The following ZNF717 variants were observed in gnomAD, a reference collection of about 807,000 sequenced individuals.
The protein encoded by ZNF717 is krueppel-like factor X17.
A neutral mutation model predicts 13.8 loss-of-function variants in ZNF717; 9 were observed. That is an observed-to-expected ratio of 0.65 (90% CI 0.39 to 1.14). The LOEUF is 1.14. Among genes scored for constraint, ZNF717 ranks in the 50% most tolerant of loss-of-function variants. The pLI is 0.01. For synonymous variants in ZNF717, 327 were observed against 364.1 expected (o/e 0.90, Z 1.16); for missense variants, 1,040 against 1,080.7 (o/e 0.96, Z 0.53).
At chr3:75,772,137 T>C (rs564787739) in intron 2 of ZNF717, among the ~76,000 whole-genome samples, 3 of 152,352 alleles carry the variant, frequency 2.0e-5, no homozygotes, top group Admixed American at 6.5e-5. Flanking sequence ...CTACCCACCA[T>C]GGGTCTCCTC....
chr3:75,741,688 A>C lies in ZNF717; in HGVS notation c.106T>G (p.Trp36Gly). The change falls in exon 3 of 5, where the codon TGG becomes GGG. Residue 36 changes from tryptophan (W) to glycine (G), a missense_variant. Around this residue, in one of 3 missense-constraint regions of ZNF717, gnomAD observed 123 missense variants for 177.8 expected, o/e 0.69. Coordinates refer to ENST00000652011, the MANE Select transcript of ZNF717 (RefSeq NM_001290208.3). Reference sequence around the variant, plus strand: ...CTCTGAGCATCATCCAGGTCCTGCCACTCCTCCCAGGTGAAGTGCACAGCT... The same window carrying C: ...CTCTGAGCATCATCCAGGTCCTGCCCCTCCTCCCAGGTGAAGTGCACAGCT... ...EVAVHFTWEE[W>G]QDLDDAQRTL... The C allele has an allele frequency of 6.3e-7, 1 of 1,593,012 alleles. No individual in the cohort carries two copies.
At chr3:75,721,171 C>A (rs1198919844) in intron 4 of ZNF717, among the ~76,000 whole-genome samples, 1 of 152,132 alleles carries the variant, frequency 6.6e-6, no homozygotes, top group Non-Finnish European at 1.5e-5. Context: ...TGTTCAGGTT[C>A]AAATCAACAA....
At chr3:75,699,661 G>C (rs1937646679) in intron 6 of ZNF717, among the ~76,000 whole-genome samples, 1 of 152,296 alleles carries the variant, frequency 6.6e-6, no homozygotes. Flanking sequence ...TATGCTTTCT[G>C]TATACCCTGT....
chr3:75,779,759 G>GAACCCA (rs1944659555), intron 2 of ZNF717, among the ~76,000 whole-genome samples: 28 of 146,644 alleles, frequency 1.9e-4, no homozygotes, highest in African/African-American at 6.9e-4. Flanking sequence ...TGCTAAACCA[G>GAACCCA]AAACCCAAAA....
intron 2 of ZNF717, among the ~76,000 whole-genome samples, chr3:75,763,342 T>A (rs1943181310): frequency 6.6e-6 from 1 of 152,236 alleles, no homozygotes; most frequent in Non-Finnish European, 1.5e-5. Flanking sequence ...TGGTTGAGCA[T>A]CTCAAATTCA....
At chr3:75,700,532 A>G (rs2106809293) in intron 6 of ZNF717, among the ~76,000 whole-genome samples, 1 of 152,424 alleles carries the variant, frequency 6.6e-6, no homozygotes, top group South Asian at 2.1e-4. Context: ...ACCTGGTTTT[A>G]AATTATACCA....
At chr3:75,754,323 G>A (rs1258819045) in intron 2 of ZNF717, among the ~76,000 whole-genome samples, 1 of 151,878 alleles carries the variant, frequency 6.6e-6, no homozygotes, top group Non-Finnish European at 1.5e-5. Flanking sequence ...GGAATTATGG[G>A]GAAAAAATTA....
At chr3:75,778,522 G>A (rs531419981) in intron 2 of ZNF717, among the ~76,000 whole-genome samples, 28 of 150,296 alleles carry the variant, frequency 1.9e-4, no homozygotes, top group African/African-American at 2.7e-4. Flanking sequence ...TGGCAGTGAC[G>A]TGCTAAACCA....
At chr3:75,754,072 G>A (rs62268078) in intron 2 of ZNF717, among the ~76,000 whole-genome samples, 5 of 151,972 alleles carry the variant, frequency 3.3e-5, no homozygotes, top group South Asian at 2.1e-4. Flanking sequence ...CACTAGAGTC[G>A]TTGCGAGTGT....
At chr3:75,741,419 T>G in intron 3 of ZNF717, 51 bp from the exon 4 acceptor site, 3 of 1,441,670 alleles carry the variant, frequency 2.1e-6, no homozygotes, top group Non-Finnish European at 2.9e-6. Context: ...AGTCAAATCC[T>G]TTTCAGAATG....
At chr3:75,761,425 T>A (rs973205755) in intron 2 of ZNF717, among the ~76,000 whole-genome samples, 2 of 152,252 alleles carry the variant, frequency 1.3e-5, no homozygotes, top group African/African-American at 4.8e-5. Flanking sequence ...AACATCATAC[T>A]CAATGGTGAA....
chr3:75,723,465 G>C (rs12488745), intron 4 of ZNF717, among the ~76,000 whole-genome samples: 53,468 of 150,460 alleles, frequency 0.36, 4,363 homozygotes, highest in Admixed American at 0.38. Flanking sequence ...AAAATATATA[G>C]AATAAGAATA....
At chr3:75,725,480 A>G (rs1352447842), downstream of ZNF717, among the ~76,000 whole-genome samples, 4 of 152,366 alleles carry the variant, frequency 2.6e-5, no homozygotes, top group South Asian at 8.3e-4. Context: ...GCCATCACCC[A>G]TAATCTGACT....
At chr3:75,697,799 G>A (rs1485879733) in intron 6 of ZNF717, among the ~76,000 whole-genome samples, 140 of 150,170 alleles carry the variant, frequency 9.3e-4, no homozygotes, top group African/African-American at 3.4e-3. Flanking sequence ...ATAGGCAGAG[G>A]TTGGAAGAGT....
At chr3:75,709,700 C>T (rs1575715352) in exon 6 of ZNF717, 1 of 152,156 alleles carries the variant, frequency 6.6e-6, no homozygotes, top group Non-Finnish European at 1.5e-5. Flanking sequence ...TCTTTTTCAT[C>T]ATCAGGCATA....
chr3:75,741,535 T>C, intron 3 of ZNF717, 75 bp downstream of exon 3: 6 of 1,508,724 alleles, frequency 4.0e-6, no homozygotes, highest in Non-Finnish European at 3.6e-6. Flanking sequence ...GTAAATATTA[T>C]TATACCTTAA....
At chr3:75,780,165 C>G (rs566110641) in intron 2 of ZNF717, among the ~76,000 whole-genome samples, 1 of 145,116 alleles carries the variant, frequency 6.9e-6, no homozygotes, top group Non-Finnish European at 1.5e-5. Flanking sequence ...ATGGAGCTGA[C>G]GTGCTAAAAC....
exon 6 of ZNF717, chr3:75,730,577 C>T: frequency 7.1e-6 from 5 of 700,452 alleles, no homozygotes; most frequent in Non-Finnish European, 1.3e-5. Context: ...GTCCAATTGA[C>T]AATTGGGAAT....
At chr3:75,741,240 C>T (rs1940384769) in intron 4 of ZNF717, 36 bp downstream of exon 4, 2 of 1,314,494 alleles carry the variant, frequency 1.5e-6, no homozygotes, top group African/African-American at 1.5e-5. Context: ...GGGCATTACT[C>T]CTCCAGGCCT....
Sources: allele counts gnomAD v4.1 joint callset (sites outside exome capture counted in the v4.1 genomes callset), GRCh38; gene constraint gnomAD v4.1.1; regional missense constraint gnomAD v4.1.1; transcripts MANE v1.5; gene names NCBI Gene and HGNC (gene_info 2026-07-23, HGNC 2026-07-21).